The following NTN1 variants were observed in gnomAD, a reference collection of about 807,000 sequenced individuals.
NTN1 encodes netrin 1.
A neutral mutation model predicts 54.2 loss-of-function variants in NTN1; 11 were observed. The ratio of observed to expected loss-of-function variants is 0.20; its 90% CI spans 0.13 to 0.34. NTN1 has a LOEUF of 0.34. Among genes scored for constraint, NTN1 ranks in the 10% least tolerant of loss-of-function variants. The pLI, the probability that NTN1 is intolerant of heterozygous loss-of-function variation, is 1.00. For synonymous variants in NTN1, 371 were observed against 382.0 expected, an observed-to-expected ratio of 0.97 and a Z score of 0.33; for missense variants, 740 against 893.1, an observed-to-expected ratio of 0.83 and a Z score of 2.18.
chr17:9,092,319 C>CTTTTTTT (rs148786553), intron 2 of NTN1, among the ~76,000 whole-genome samples: 4 of 91,710 alleles, frequency 4.4e-5, no homozygotes, highest in Admixed American at 2.8e-4. Flanking sequence ...CTTTTCTTCT[C>CTTTTTTT]TTTTTTTTTT....
chr17:9,185,598 G>A (rs2092430907), intron 5 of NTN1, among the ~76,000 whole-genome samples: 1 of 152,058 alleles, frequency 6.6e-6, no homozygotes, highest in African/African-American at 2.4e-5. Flanking sequence ...TGGGGGTCTG[G>A]GGCCGGGTAG....
At chr17:9,210,688 C>A (rs146833500) in intron 5 of NTN1, among the ~76,000 whole-genome samples, 3 of 152,052 alleles carry the variant, frequency 2.0e-5, no homozygotes, top group African/African-American at 7.2e-5. Context: ...AAGCGGATCA[C>A]CTGAGCTCAG....
intron 1 of NTN1, 31 bp from the exon 2 acceptor site, chr17:9,022,280 C>G: frequency 8.2e-7 from 1 of 1,213,334 alleles, no homozygotes; most frequent in Non-Finnish European, 1.0e-6. Flanking sequence ...GCGGGGCGGG[C>G]TGGCTGAGCG....
chr17:9,124,971 A>G (rs1267798689), intron 2 of NTN1, among the ~76,000 whole-genome samples: 1 of 152,198 alleles, frequency 6.6e-6, no homozygotes, highest in African/African-American at 2.4e-5. Context: ...CACATGCTAC[A>G]TGTTAGCAGT....
At chr17:9,037,683 T>G (rs1314997689) in intron 2 of NTN1, among the ~76,000 whole-genome samples, 1 of 152,080 alleles carries the variant, frequency 6.6e-6, no homozygotes, top group Non-Finnish European at 1.5e-5. Context: ...TAGAGACAAA[T>G]TTTTGCTGTC....
chr17:9,234,590 C>T (rs1316080255), intron 6 of NTN1, among the ~76,000 whole-genome samples: 1 of 152,236 alleles, frequency 6.6e-6, no homozygotes, highest in Non-Finnish European at 1.5e-5. Flanking sequence ...GTTCCAGTTC[C>T]CACATCCGAA....
intron 6 of NTN1, among the ~76,000 whole-genome samples, chr17:9,226,188 C>T (rs1023491583): frequency 6.8e-6 from 1 of 147,678 alleles, no homozygotes; most frequent in Non-Finnish European, 1.5e-5. Context: ...TGCCAAGGCC[C>T]TGCCATGCCA....
chr17:9,216,126 T>C (rs1905213418), intron 5 of NTN1, among the ~76,000 whole-genome samples: 1 of 152,220 alleles, frequency 6.6e-6, no homozygotes, highest in Non-Finnish European at 1.5e-5. Context: ...TTGTTTGTTT[T>C]ATTTCATTCT....
intron 6 of NTN1, among the ~76,000 whole-genome samples, chr17:9,226,312 T>C (rs1306118896): frequency 6.6e-6 from 1 of 152,100 alleles, no homozygotes; most frequent in Non-Finnish European, 1.5e-5. Flanking sequence ...TCCTCATCTG[T>C]CACATGGAGG....
chr17:9,206,042 G>A (rs1904960535), intron 5 of NTN1, among the ~76,000 whole-genome samples: 1 of 152,222 alleles, frequency 6.6e-6, no homozygotes, highest in Admixed American at 6.5e-5. Context: ...TGGGAACAGG[G>A]TGACCCCTAG....
rs1426524270 is a variant in NTN1, at chr17:9,156,890, G to T, written c.1019-5923G>T. On this transcript the variant is annotated intron_variant, in intron 2 of 6. Coordinates refer to ENST00000173229, the MANE Select transcript of NTN1 (RefSeq NM_004822.3). ...TACATACCCGCTTGCCTGTCTACCT[G>T]CCCACCTACCTATCCATCCATCCAT... Among the ~76,000 whole-genome samples, 3 of 152,026 alleles carry T rather than the reference G, an allele frequency of 2.0e-5. No homozygotes were observed. In the East Asian group the frequency reaches 5.8e-4, roughly 29 times the overall value.
At chr17:9,191,079 A>T (rs141444629) in intron 5 of NTN1, among the ~76,000 whole-genome samples, 1 of 152,254 alleles carries the variant, frequency 6.6e-6, no homozygotes, top group African/African-American at 2.4e-5. Flanking sequence ...AATAAAATAT[A>T]TATGAATATC....
At chr17:9,068,244 C>T (rs72660226) in intron 2 of NTN1, among the ~76,000 whole-genome samples, 6,973 of 152,074 alleles carry the variant, frequency 0.046, 545 homozygotes, top group African/African-American at 0.16. Context: ...TACAGTGGTG[C>T]GATCACAGCT....
chr17:9,108,986 C>T (rs1182702619), intron 2 of NTN1, among the ~76,000 whole-genome samples: 1 of 152,072 alleles, frequency 6.6e-6, no homozygotes, highest in African/African-American at 2.4e-5. Context: ...AAGCGATTCT[C>T]CTGCCTCAGC....
chr17:9,182,329 T>C (rs777870899), intron 4 of NTN1, among the ~76,000 whole-genome samples: 1 of 152,228 alleles, frequency 6.6e-6, no homozygotes, highest in African/African-American at 2.4e-5. Context: ...TCACATGCTT[T>C]TATGAGGCCC....
At chr17:9,144,324 C>T (rs760813838) in intron 2 of NTN1, among the ~76,000 whole-genome samples, 82 of 152,130 alleles carry the variant, frequency 5.4e-4, no homozygotes, top group African/African-American at 1.8e-3. Flanking sequence ...GAGTGATCAT[C>T]GTAACATCAA....
At chr17:9,088,547 C>T (rs780146224) in intron 2 of NTN1, among the ~76,000 whole-genome samples, 3 of 152,122 alleles carry the variant, frequency 2.0e-5, no homozygotes, top group East Asian at 1.9e-4. Flanking sequence ...TTGCCACAGA[C>T]GGATGGGTGG....
At chr17:9,068,292 C>T (rs1312588131) in intron 2 of NTN1, among the ~76,000 whole-genome samples, 1 of 152,020 alleles carries the variant, frequency 6.6e-6, no homozygotes, top group Non-Finnish European at 1.5e-5. Flanking sequence ...AGTGATCCTC[C>T]CTCCTCAGCC....
In NTN1 at chr17:9,151,416, C is replaced by G. The variant is rs376356064; in HGVS notation, c.1019-11397C>G. On this transcript the variant is annotated intron_variant, in intron 2 of 6. Transcript: ENST00000173229. Reference sequence around the variant, plus strand: ...CATCTAAAGCCTGTCTTTGGCAAGCCGGGAACTCCAGCCTCCCGTCCCACT... The same window carrying G: ...CATCTAAAGCCTGTCTTTGGCAAGCGGGGAACTCCAGCCTCCCGTCCCACT... Among the ~76,000 whole-genome samples, 3 of 152,152 alleles carry G rather than the reference C, an allele frequency of 2.0e-5. No individual in the cohort carries two copies. The East Asian group carries it at 5.8e-4, about 29-fold the overall frequency.
Sources: allele counts gnomAD v4.1 joint callset (sites outside exome capture counted in the v4.1 genomes callset), GRCh38; gene constraint gnomAD v4.1.1; transcripts MANE v1.5; gene names NCBI Gene and HGNC (gene_info 2026-07-23, HGNC 2026-07-21).